Variants in FOXN3 observed in about 807,000 individuals in gnomAD.
FOXN3 encodes forkhead box N3.
Under a neutral mutation model 38.4 loss-of-function variants are expected in FOXN3, and 7 were observed. The ratio of observed to expected loss-of-function variants is 0.18; its 90% confidence interval spans 0.10 to 0.34. FOXN3 has a LOEUF of 0.34. FOXN3 is among the 10% of genes least tolerant of loss of function. The pLI is 1.00. For missense variants in FOXN3, 456 were observed against 613.4 expected (o/e 0.74, Z 2.71); for synonymous variants, 230 against 242.2 (o/e 0.95, Z 0.47).
chr14:89,195,823 C>T (rs1888084940), intron 4 of FOXN3, among the ~76,000 whole-genome samples: 1 of 152,144 alleles, frequency 6.6e-6, no homozygotes, highest in Admixed American at 6.5e-5. Flanking sequence ...TTTGGATGGG[C>T]AGGGTCCTCC....
At chr14:89,353,706 T>C (rs1319302711) in intron 2 of FOXN3, 1 of 152,164 alleles carries the variant, frequency 6.6e-6, no homozygotes, top group Admixed American at 6.5e-5. Context: ...ATTCCATACT[T>C]GGTCAGTTCA....
At chr14:89,421,528 A>ATAT (rs33969710), upstream of FOXN3, among the ~76,000 whole-genome samples, 4,164 of 144,774 alleles carry the variant, frequency 0.029, 218 homozygotes, top group African/African-American at 0.095. Flanking sequence ...ACCCAGGGAA[A>ATAT]TTTTTTTTTT....
chr14:89,309,827 G>A (rs778915632), intron 3 of FOXN3, among the ~76,000 whole-genome samples: 8 of 152,206 alleles, frequency 5.3e-5, no homozygotes, highest in African/African-American at 1.4e-4. Flanking sequence ...AAGAGTGACC[G>A]ATGGCGTTGG....
intron 1 of FOXN3, among the ~76,000 whole-genome samples, chr14:89,478,200 C>T (rs1893251104): frequency 6.6e-6 from 1 of 152,120 alleles, no homozygotes; most frequent in South Asian, 2.1e-4. Context: ...CCATTCTCGC[C>T]ATGTGACGTG....
At chr14:89,251,600 AG>A (rs1315460147) in intron 4 of FOXN3, among the ~76,000 whole-genome samples, 3 of 152,228 alleles carry the variant, frequency 2.0e-5, no homozygotes, top group African/African-American at 7.2e-5. Flanking sequence ...CATAGGAAAA[AG>A]CCTCCAAATA....
At chr14:89,279,323 T>C (rs1401733242) in intron 4 of FOXN3, among the ~76,000 whole-genome samples, 1 of 152,218 alleles carries the variant, frequency 6.6e-6, no homozygotes, top group African/African-American at 2.4e-5. Context: ...GATAATCTCA[T>C]ACTGACATCT....
At chr14:89,261,395 C>T (rs944248270) in intron 4 of FOXN3, among the ~76,000 whole-genome samples, 6 of 152,192 alleles carry the variant, frequency 3.9e-5, no homozygotes, top group Non-Finnish European at 8.8e-5. Context: ...GGGCTGGGCC[C>T]AGTATGATGA....
intron 2 of FOXN3, among the ~76,000 whole-genome samples, chr14:89,369,844 G>A (rs1890263829): frequency 6.6e-6 from 1 of 152,198 alleles, no homozygotes. Flanking sequence ...AGATTTGGGT[G>A]GGGACACAGA....
intron 3 of FOXN3, among the ~76,000 whole-genome samples, chr14:89,302,616 C>A (rs929807921): frequency 1.3e-5 from 2 of 152,144 alleles, no homozygotes; most frequent in African/African-American, 2.4e-5. Flanking sequence ...TTTGCAAGTC[C>A]CCTGAGCACA....
At chr14:89,436,185 A>G (rs1042195933) in intron 1 of FOXN3, among the ~76,000 whole-genome samples, 1 of 151,368 alleles carries the variant, frequency 6.6e-6, no homozygotes, top group African/African-American at 2.4e-5. Flanking sequence ...AAAGTTACCA[A>G]TGCTGACTGC....
intron 4 of FOXN3, among the ~76,000 whole-genome samples, chr14:89,183,752 G>T (rs1024935434): frequency 2.0e-5 from 3 of 152,174 alleles, no homozygotes; most frequent in African/African-American, 7.2e-5. Flanking sequence ...GATGTGTTTG[G>T]ACTTTATCCT....
rs148706231 is a variant in FOXN3 at position 89,344,331 on chromosome 14, A to G, written c.680+6341T>C. Among the ~76,000 whole-genome samples, 1,295 of 152,048 alleles carry G rather than the reference A, an allele frequency of 8.5e-3. 7 individuals carry two copies. The highest frequency in any genetic ancestry group is 0.015 in the Non-Finnish European group (997 of 67,982). On this transcript the variant is annotated intron_variant, in intron 3 of 5. Coordinates refer to ENST00000557258, the MANE Select transcript of FOXN3 (RefSeq NM_005197.4). ...TCTAACACCCAATCATGGTCAATCC[A>G]TCATGGAGGCCAAAGGTACGTAGGA...
chr14:89,409,639 T>C (rs12434205), intron 2 of FOXN3, among the ~76,000 whole-genome samples: 2,034 of 152,300 alleles, frequency 0.013, 57 homozygotes, highest in African/African-American at 0.047. Context: ...TGTGAGGCTT[T>C]GGGGGACCTG....
intron 4 of FOXN3, among the ~76,000 whole-genome samples, chr14:89,226,668 C>A (rs529636719): frequency 2.0e-5 from 3 of 152,268 alleles, no homozygotes; most frequent in African/African-American, 7.2e-5. Context: ...CAGGTCCTAA[C>A]CAGTACCCCA....
chr14:89,189,331 AG>A (rs1225798954), intron 4 of FOXN3, among the ~76,000 whole-genome samples: 2 of 152,198 alleles, frequency 1.3e-5, no homozygotes, highest in African/African-American at 4.8e-5. Flanking sequence ...CCCACTGCTC[AG>A]CAAGCCATGT....
At chr14:89,436,136 C>T (rs528834034) in intron 1 of FOXN3, among the ~76,000 whole-genome samples, 14 of 151,820 alleles carry the variant, frequency 9.2e-5, no homozygotes, top group East Asian at 1.9e-4. Context: ...CCACCGCGCC[C>T]GGCCTGTAGA....
intron 1 of FOXN3, among the ~76,000 whole-genome samples, chr14:89,525,903 A>C (rs373644): frequency 0.38 from 58,152 of 151,816 alleles, 11,591 homozygotes; most frequent in East Asian, 0.6. Flanking sequence ...CCAATAATAA[A>C]GGTAAAAGAT....
chr14:89,369,791 T>G (rs1890262809), intron 2 of FOXN3, among the ~76,000 whole-genome samples: 1 of 152,144 alleles, frequency 6.6e-6, no homozygotes, highest in African/African-American at 2.4e-5. Flanking sequence ...CCTAGGTCCC[T>G]CCCCACAACA....
intron 1 of FOXN3, among the ~76,000 whole-genome samples, chr14:89,604,164 A>G (rs960292931): frequency 6.6e-6 from 1 of 152,066 alleles, no homozygotes; most frequent in Admixed American, 6.6e-5. Flanking sequence ...CCACTGATAA[A>G]GAATTCCCAC....
Sources: allele counts gnomAD v4.1 joint callset (sites outside exome capture counted in the v4.1 genomes callset), GRCh38; gene constraint gnomAD v4.1.1; transcripts MANE v1.5; gene names NCBI Gene and HGNC (gene_info 2026-07-23, HGNC 2026-07-21).